The following ALPL variants were observed in gnomAD, a reference collection of about 807,000 sequenced individuals.
The protein encoded by ALPL is alkaline phosphatase, biomineralization associated.
A neutral mutation model predicts 51.3 loss-of-function variants in ALPL; 42 were observed. That is an observed-to-expected ratio of 0.82 (90% CI 0.64 to 1.06). ALPL has a LOEUF of 1.06. Ranked by LOEUF, ALPL falls within the 50% of genes least tolerant of loss-of-function variation. The pLI, the probability that ALPL is intolerant of heterozygous loss-of-function variation, is 0.00. For synonymous variants in ALPL, 279 were observed against 296.4 expected (o/e 0.94, Z 0.60); for missense variants, 589 against 709.4 (o/e 0.83, Z 1.93).
upstream of ALPL, among the ~76,000 whole-genome samples, chr1:21,509,076 G>A (rs1268858798): frequency 2.6e-5 from 4 of 152,024 alleles, no homozygotes; most frequent in Non-Finnish European, 5.9e-5. This position sits in a 1 kb window ranked among gnomAD's most constrained non-coding sequence, Gnocchi z 6.0. Flanking sequence ...AGATGCCGAC[G>A]GTAAAGACAA....
intron 1 of ALPL, among the ~76,000 whole-genome samples, chr1:21,517,938 A>C (rs1044192889): frequency 1.3e-4 from 20 of 152,064 alleles, no homozygotes; most frequent in Admixed American, 1.3e-3. Context: ...GTTGGCACAC[A>C]AGATAAAAGG....
Position 21,546,005 on chromosome 1 carries a change from G to A in ALPL, c.-104-7973G>A, listed in dbSNP as rs1264568643. Among the ~76,000 whole-genome samples, 5 of 151,626 alleles carry A rather than the reference G, an allele frequency of 3.3e-5. No homozygotes were observed. In the East Asian group the frequency reaches 9.8e-4, roughly 30 times the overall value. On this transcript the variant is annotated intron_variant, in intron 1 of 11. Transcript: ENST00000374840. ...TAATTTTTGTATTTTTAGTAGACAC[G>A]GGGTTTCATCATGTTGGCCAGGATG...
chr1:21,520,174 T>C (rs2148064694), intron 1 of ALPL, among the ~76,000 whole-genome samples: 1 of 152,308 alleles, frequency 6.6e-6, no homozygotes, highest in Non-Finnish European at 1.5e-5. Context: ...TCACCCAGGC[T>C]GGAGTTCAGG....
chr1:21,555,444 C>G (rs1038129748), intron 2 of ALPL, among the ~76,000 whole-genome samples: 5 of 152,200 alleles, frequency 3.3e-5, no homozygotes, highest in Non-Finnish European at 7.3e-5. Context: ...GAGACAGACT[C>G]TCACTCTGTT....
At chr1:21,575,993 G>A (rs1298138187) in intron 10 of ALPL, 69 bp downstream of exon 10, 1 of 1,581,660 alleles carries the variant, frequency 6.3e-7, no homozygotes, top group South Asian at 1.1e-5. Flanking sequence ...GCAGGAGTGG[G>A]TGGGAGAGCC....
chr1:21,563,419 G>A (rs1644515422), intron 5 of ALPL, 135 bp downstream of exon 5: 2 of 1,167,326 alleles, frequency 1.7e-6, no homozygotes, highest in South Asian at 1.6e-5. Context: ...CTGGGAGTCT[G>A]TAATATCCAT....
chr1:21,535,606 C>T (rs955128726), intron 1 of ALPL, among the ~76,000 whole-genome samples: 1 of 151,800 alleles, frequency 6.6e-6, no homozygotes, highest in Non-Finnish European at 1.5e-5. Flanking sequence ...CAGAGCAAGA[C>T]CCTGTCTCAA....
chr1:21,567,221 C>T lies in ALPL; in HGVS notation c.649-883C>T, dbSNP rs74910999. ...AGGCTCTGCACTCCCAAGGTGTCAG[C>T]CAGGGGCAGTGGCCCGGGCTGGCAC... On this transcript the variant is annotated intron_variant, in intron 6 of 11. Transcript: ENST00000374840. Among the ~76,000 whole-genome samples, 14 of 152,316 alleles carry T rather than the reference C, an allele frequency of 9.2e-5. No individual in the cohort carries two copies. The East Asian group carries it at 2.7e-3, about 29-fold the overall frequency.
intron 6 of ALPL, among the ~76,000 whole-genome samples, chr1:21,566,290 T>G (rs1644563313): frequency 1.3e-5 from 2 of 152,160 alleles, no homozygotes; most frequent in South Asian, 4.1e-4. Context: ...TTTTATTTAT[T>G]ATTATTATTT....
chr1:21,557,033 T>C (rs1292835506), intron 2 of ALPL, among the ~76,000 whole-genome samples: 2 of 152,186 alleles, frequency 1.3e-5, no homozygotes, highest in African/African-American at 2.4e-5. Context: ...CCCCTCTGGT[T>C]TTAGATTCCC....
At chr1:21,575,148 G>T (rs567775013) in intron 9 of ALPL, among the ~76,000 whole-genome samples, 1 of 152,222 alleles carries the variant, frequency 6.6e-6, no homozygotes, top group South Asian at 2.1e-4. Flanking sequence ...TGGGAGCTCC[G>T]TGCTTTCTTT....
In ALPL at chr1:21,570,338, C is replaced by T. The variant is rs1233722185; in HGVS notation, c.826C>T (p.Leu276=). ...CTTCATCTGGAACCGCACGGAACTC[C>T]TGACCCTTGACCCCCACAATGTGGA... The part of the protein sequence containing the change: ...SHFIWNRTEL[L]TLDPHNVDYL... Residue 276 remains leucine (L), a synonymous_variant, in exon 8 of 12, where the codon CTG becomes TTG. Transcript: ENST00000374840. The T allele has an allele frequency of 1.9e-6, 3 of 1,614,052 alleles. No homozygotes were observed. Among genetic ancestry groups the T allele is most frequent in the Non-Finnish European group, 1.7e-6 (2 of 1,180,036 alleles).
At chr1:21,575,965 C>T (rs1644725567) in intron 10 of ALPL, 41 bp downstream of exon 10, 1 of 1,610,848 alleles carries the variant, frequency 6.2e-7, no homozygotes, top group Non-Finnish European at 8.5e-7. Context: ...CTGGGGTCTC[C>T]TGTCTACCCA....
intron 1 of ALPL, among the ~76,000 whole-genome samples, chr1:21,534,493 A>G (rs59004364): frequency 0.13 from 19,809 of 152,090 alleles, 1,860 homozygotes; most frequent in East Asian, 0.48. Context: ...AGCGAAGAGG[A>G]GGATTGAGTT....
chr1:21,536,456 A>T (rs1211005122), intron 1 of ALPL, among the ~76,000 whole-genome samples: 1 of 152,220 alleles, frequency 6.6e-6, no homozygotes, highest in Non-Finnish European at 1.5e-5. Context: ...TGGGGAAATT[A>T]ATTGGCTCAT....
intron 1 of ALPL, among the ~76,000 whole-genome samples, chr1:21,517,036 C>T (rs571663548): frequency 2.1e-4 from 32 of 152,298 alleles, no homozygotes; most frequent in African/African-American, 7.5e-4. Context: ...TCATCTAACA[C>T]GAGGCCTATT....
chr1:21,567,432 G>A (rs1243265062), intron 6 of ALPL, among the ~76,000 whole-genome samples: 1 of 152,258 alleles, frequency 6.6e-6, no homozygotes, highest in Non-Finnish European at 1.5e-5. Context: ...CTACAGAGCC[G>A]TGAGGCCCGG....
chr1:21,509,220 G>A (rs138532088), upstream of ALPL, among the ~76,000 whole-genome samples: 1,090 of 151,622 alleles, frequency 7.2e-3, 11 homozygotes, highest in African/African-American at 0.025. This position sits in a 1 kb window ranked among gnomAD's most constrained non-coding sequence, Gnocchi z 6.0. Context: ...CGTCACCCCA[G>A]CCCGTTCCTA....
chr1:21,562,029 A>C (rs902786519), intron 4 of ALPL, among the ~76,000 whole-genome samples: 1 of 152,128 alleles, frequency 6.6e-6, no homozygotes, highest in Non-Finnish European at 1.5e-5. Flanking sequence ...TCGTGAAGTT[A>C]ATTAGACTAT....
Sources: allele counts gnomAD v4.1 joint callset (sites outside exome capture counted in the v4.1 genomes callset), GRCh38; gene constraint gnomAD v4.1.1; non-coding constraint Gnocchi (gnomAD v3.1); transcripts MANE v1.5; gene names NCBI Gene and HGNC (gene_info 2026-07-23, HGNC 2026-07-21).